Variants in RGS17 observed in about 807,000 individuals in gnomAD.
RGS17 encodes the protein regulator of G-protein signaling 17.
In RGS17, 12 loss-of-function variants were observed where a neutral mutation model predicts 25.5. That is an observed-to-expected ratio of 0.47 (90% CI 0.30 to 0.76). The LOEUF is 0.76. RGS17 is among the 30% of genes least tolerant of loss of function. The probability of loss-of-function intolerance (pLI) is 0.07; values close to 1 mark genes in which losing one functional copy is unlikely to be tolerated. For missense variants in RGS17, 196 were observed against 242.2 expected (o/e 0.81, Z 1.27); for synonymous variants, 71 against 76.9 (o/e 0.92, Z 0.40).
chr6:153,034,691 C>G (rs183688470), intron 2 of RGS17, among the ~76,000 whole-genome samples: 3 of 152,254 alleles, frequency 2.0e-5, no homozygotes, highest in Non-Finnish European at 4.4e-5. Flanking sequence ...CTTTCCTTAT[C>G]CCATACAGCC....
intron 1 of RGS17, among the ~76,000 whole-genome samples, chr6:153,070,222 TC>T (rs757143426): frequency 1.9e-4 from 29 of 151,550 alleles, no homozygotes; most frequent in South Asian, 1.0e-3. Context: ...CAAGTTGTTT[TC>T]TTTTTTGGTG....
At chr6:153,127,825 G>T (rs1207867356) in intron 1 of RGS17, among the ~76,000 whole-genome samples, 2 of 152,174 alleles carry the variant, frequency 1.3e-5, no homozygotes, top group Non-Finnish European at 2.9e-5. Context: ...TTGGTAAACA[G>T]TGTAAGTGCT....
chr6:153,026,416 A>C (rs188950239), intron 3 of RGS17, 38 bp downstream of exon 3: 59 of 1,468,906 alleles, frequency 4.0e-5, no homozygotes, highest in Non-Finnish European at 5.2e-5. Context: ...ATGGCATATA[A>C]ATGCAAGAAA....
At position 153,007,015 on chromosome 6, in the gene RGS17, A is replaced by T. The variant is rs1196727264; in HGVS notation, c.*4559T>A. The T allele has an allele frequency of 6.6e-6, 1 of 152,184 alleles. No homozygotes were observed. Among genetic ancestry groups the T allele is most frequent in the Non-Finnish European group, 1.5e-5 (1 of 68,032 alleles). The allele number at this position is 152,184 out of a possible 1,614,324, so 9.4% of individuals were successfully genotyped here. ...AGTTCCCAAACTGGGACCTTCTATCACCTAGGGCAACATTTTGCCTTTTGT... is the reference window on the plus strand; with the variant it reads ...AGTTCCCAAACTGGGACCTTCTATCTCCTAGGGCAACATTTTGCCTTTTGT... On this transcript the variant is annotated 3_prime_UTR_variant, in exon 5 of 5. Transcript: ENST00000206262.
At chr6:153,040,316 T>A (rs1356504382) in intron 2 of RGS17, among the ~76,000 whole-genome samples, 5 of 152,034 alleles carry the variant, frequency 3.3e-5, no homozygotes, top group Non-Finnish European at 4.4e-5. Flanking sequence ...ACTCTCTGTA[T>A]CCTCCCCGCA....
intron 2 of RGS17, among the ~76,000 whole-genome samples, chr6:153,041,356 A>G (rs1776318703): frequency 6.6e-6 from 1 of 152,212 alleles, no homozygotes; most frequent in Non-Finnish European, 1.5e-5. Context: ...CTAACAGAGC[A>G]TGCAGCCAAT....
chr6:153,123,609 A>C (rs1777667928), intron 1 of RGS17, among the ~76,000 whole-genome samples: 1 of 152,178 alleles, frequency 6.6e-6, no homozygotes, highest in Admixed American at 6.5e-5. Flanking sequence ...TCTCAAACTT[A>C]AATGTATTTA....
chr6:153,111,402 C>G (rs1188977009), intron 1 of RGS17, among the ~76,000 whole-genome samples: 1 of 152,210 alleles, frequency 6.6e-6, no homozygotes, highest in Non-Finnish European at 1.5e-5. Context: ...TTCCTCCACT[C>G]TGGGCAGGGC....
At chr6:153,118,156 C>T (rs955441259) in intron 1 of RGS17, among the ~76,000 whole-genome samples, 1 of 152,188 alleles carries the variant, frequency 6.6e-6, no homozygotes, top group Admixed American at 6.5e-5. Flanking sequence ...ACTATCCTTG[C>T]ATCTCCTCTC....
At chr6:153,030,884 CTG>C (rs1439319782) in intron 2 of RGS17, among the ~76,000 whole-genome samples, 1 of 152,182 alleles carries the variant, frequency 6.6e-6, no homozygotes, top group African/African-American at 2.4e-5. Context: ...TCGGACAGAA[CTG>C]TGCATATGGG....
At chr6:153,110,891 T>C (rs572379981) in intron 1 of RGS17, among the ~76,000 whole-genome samples, 76 of 152,288 alleles carry the variant, frequency 5.0e-4, no homozygotes, top group African/African-American at 1.7e-3. Flanking sequence ...CTGTGAGGAA[T>C]GGTGCACTCC....
chr6:153,031,429 T>C (rs1779362377), intron 2 of RGS17, among the ~76,000 whole-genome samples: 2 of 152,340 alleles, frequency 1.3e-5, no homozygotes, highest in South Asian at 2.1e-4. Flanking sequence ...TTCTCCTTTG[T>C]CATTATTACA....
At chr6:153,079,958 GA>G (rs766060079) in intron 1 of RGS17, among the ~76,000 whole-genome samples, 1 of 152,044 alleles carries the variant, frequency 6.6e-6, no homozygotes, top group Non-Finnish European at 1.5e-5. Flanking sequence ...AATAGTTATA[GA>G]GACATTTAGA....
rs925605875 is a variant in RGS17 at position 153,007,951 on chromosome 6, A to G, written c.*3623T>C. 3.9e-5 allele frequency: 6 copies of G among 152,176 alleles called. No homozygotes were observed. Among genetic ancestry groups the G allele is most frequent in the Admixed American group, 6.5e-5 (1 of 15,278 alleles). 9.4% of individuals were successfully genotyped at this position (152,176 alleles called of 1,614,324 possible). ...TTTGACTTTTTTGATTGTATTTTAA[A>G]TTCCTTCTCTTTTACATTTCAACAC... On this transcript the variant is annotated 3_prime_UTR_variant, in exon 5 of 5. Coordinates refer to ENST00000206262, the MANE Select transcript of RGS17 (RefSeq NM_012419.5).
chr6:153,103,392 C>CG (rs1314412536), intron 1 of RGS17, among the ~76,000 whole-genome samples: 4 of 152,120 alleles, frequency 2.6e-5, no homozygotes, highest in African/African-American at 9.7e-5. Flanking sequence ...CAGCAGAAGG[C>CG]GGGGTGGAGG....
rs145226947 is a variant in RGS17 at position 153,059,168 on chromosome 6, T to A, written c.-25-15125A>T. 7.3e-3 allele frequency among the ~76,000 whole-genome samples: 1,107 copies of A among 152,276 alleles called. 13 individuals are homozygous for A. The highest frequency in any genetic ancestry group is 0.025 in the African/African-American group (1,054 of 41,546). On this transcript the variant is annotated intron_variant, in intron 1 of 4. Coordinates refer to ENST00000206262, the MANE Select transcript of RGS17 (RefSeq NM_012419.5). ...ACATTTATATATACTTAGTTACAGA[T>A]AAATATATAAAAAGACTATAAAATA...
intron 1 of RGS17, among the ~76,000 whole-genome samples, chr6:153,054,092 T>TATATATATATGTATATATA (rs1393844507): frequency 7.1e-5 from 3 of 42,076 alleles, no homozygotes; most frequent in Admixed American, 3.9e-4. Flanking sequence ...ACAATATTTT[T>TATATATATATGTATATATA]TATATATATA....
At chr6:153,116,254 T>A (rs774224247) in intron 1 of RGS17, among the ~76,000 whole-genome samples, 2 of 151,834 alleles carry the variant, frequency 1.3e-5, no homozygotes, top group African/African-American at 2.4e-5. Context: ...CATCAAAAAG[T>A]GGGTGAAGGA....
chr6:153,098,641 GA>G lies in RGS17; in HGVS notation c.-26+32482del, dbSNP rs144098564. ...ATAAACCTAAGGGACAGGCAATTGA[GA>G]GGAACCACAAAGAGTTCAAAGTAAA... On this transcript the variant is annotated intron_variant, in intron 1 of 4. Coordinates refer to ENST00000206262, the MANE Select transcript of RGS17 (RefSeq NM_012419.5). Among the ~76,000 whole-genome samples the G allele has an allele frequency of 9.9e-3, 1,502 of 152,214 alleles. 27 individuals are homozygous for G. The highest frequency in any genetic ancestry group is 0.034 in the African/African-American group (1,432 of 41,534).
Sources: allele counts gnomAD v4.1 joint callset (sites outside exome capture counted in the v4.1 genomes callset), GRCh38; gene constraint gnomAD v4.1.1; transcripts MANE v1.5; gene names NCBI Gene and HGNC (gene_info 2026-07-23, HGNC 2026-07-21).